The following SDC3 variants were observed in gnomAD, a reference collection of about 807,000 sequenced individuals.
The protein encoded by SDC3 is syndecan 3, also known as syndecan-3.
Under a neutral mutation model 24.4 loss-of-function variants are expected in SDC3, and 13 were observed. The ratio of observed to expected loss-of-function variants is 0.53; its 90% CI spans 0.35 to 0.85. The LOEUF is 0.85. Ranked by LOEUF, SDC3 falls within the 40% of genes least tolerant of loss-of-function variation. The probability of loss-of-function intolerance (pLI) is 0.01; values close to 1 mark genes in which losing one functional copy is unlikely to be tolerated. For synonymous variants in SDC3, 295 were observed against 260.9 expected (o/e 1.13, Z -1.26); for missense variants, 571 against 584.5 (o/e 0.98, Z 0.24).
intron 1 of SDC3, among the ~76,000 whole-genome samples, chr1:30,891,499 T>C (rs1639903549): frequency 6.6e-6 from 1 of 152,134 alleles, no homozygotes; most frequent in South Asian, 2.1e-4. Context: ...TGAACTCAGG[T>C]ATGAAGCCTA....
chr1:30,886,368 C>T (rs772675994), intron 1 of SDC3, among the ~76,000 whole-genome samples: 4 of 152,068 alleles, frequency 2.6e-5, no homozygotes, highest in Non-Finnish European at 4.4e-5. Flanking sequence ...GCTTGAATGT[C>T]ACATACGCAC....
chr1:30,892,346 G>A (rs937114265), intron 1 of SDC3, among the ~76,000 whole-genome samples: 3 of 152,044 alleles, frequency 2.0e-5, no homozygotes, highest in African/African-American at 7.3e-5. Context: ...CTGCCAGTAG[G>A]GACCTAGTCA....
At chr1:30,891,310 C>T (rs893877301) in intron 1 of SDC3, among the ~76,000 whole-genome samples, 2 of 152,370 alleles carry the variant, frequency 1.3e-5, no homozygotes, top group East Asian at 1.9e-4. Flanking sequence ...ACCCTGGCCC[C>T]ATCTTCACCT....
intron 1 of SDC3, among the ~76,000 whole-genome samples, chr1:30,906,447 C>T (rs550542640): frequency 6.6e-6 from 1 of 152,306 alleles, no homozygotes; most frequent in South Asian, 2.1e-4. Context: ...CCCTACTGTG[C>T]ATGAGGCTAT....
chr1:30,881,739 C>T (rs1331405404), intron 1 of SDC3, among the ~76,000 whole-genome samples: 1 of 152,202 alleles, frequency 6.6e-6, no homozygotes, highest in East Asian at 1.9e-4. Flanking sequence ...TATGCAGCCT[C>T]CTTTAAGCAT....
At chr1:30,878,077 A>G (rs1159185980) in intron 2 of SDC3, 1 of 152,898 alleles carries the variant, frequency 6.5e-6, no homozygotes, top group Non-Finnish European at 1.5e-5. Flanking sequence ...ACTGAGAAGA[A>G]GTCGTATTTC....
chr1:30,877,156 T>C lies in SDC3; in HGVS notation c.266A>G (p.Gln89Arg), dbSNP rs1188972047. ...CATGGCTGTCTCAATGCCCGACTCC[T>C]GCTCGAAGTCTGAGGGGGTGGGGGA... is the stretch of plus-strand genomic sequence containing the variant. Reference protein sequence around the residue: ...YSGSGSGYFEQESGIETAMRF... With the variant: ...YSGSGSGYFERESGIETAMRF... The change falls in exon 3 of 5, where the codon CAG becomes CGG. Residue 89 changes from glutamine (Q) to arginine (R), a missense_variant. Gln to Arg is a conservative substitution (Grantham distance 43). Around this residue, in one of 2 missense-constraint regions of SDC3, gnomAD observed 497 missense variants for 471.6 expected, o/e 1.05. Coordinates refer to ENST00000339394, the MANE Select transcript of SDC3 (RefSeq NM_014654.4). The C allele has an allele frequency of 1.2e-6, 2 of 1,613,560 alleles. No homozygotes were observed. Among genetic ancestry groups the C allele is most frequent in the African/African-American group, 2.7e-5 (2 of 74,796 alleles).
intron 1 of SDC3, among the ~76,000 whole-genome samples, chr1:30,899,996 G>GA (rs1638381221): frequency 6.6e-6 from 1 of 152,206 alleles, no homozygotes; most frequent in African/African-American, 2.4e-5. Flanking sequence ...GTGGGGAAAA[G>GA]AAAGAGATCA....
At chr1:30,896,806 C>A (rs1235249599) in intron 1 of SDC3, among the ~76,000 whole-genome samples, 1 of 152,076 alleles carries the variant, frequency 6.6e-6, no homozygotes, top group Non-Finnish European at 1.5e-5. Flanking sequence ...TACCAAAAAT[C>A]CAAAATATTA....
At chr1:30,907,790 C>A (rs1441397410) in intron 1 of SDC3, among the ~76,000 whole-genome samples, 1 of 152,196 alleles carries the variant, frequency 6.6e-6, no homozygotes, top group Non-Finnish European at 1.5e-5. Flanking sequence ...CTCACTCCCC[C>A]CTCAGGTCAC....
At chr1:30,876,428 C>T (rs1365211038) in intron 3 of SDC3, 124 bp downstream of exon 3, 2 of 784,458 alleles carry the variant, frequency 2.5e-6, no homozygotes, top group Admixed American at 6.9e-5. Context: ...GCCCCTCGCC[C>T]CCACTTTGTC....
intron 1 of SDC3, among the ~76,000 whole-genome samples, chr1:30,885,298 A>G (rs893739945): frequency 1.5e-4 from 22 of 151,346 alleles, no homozygotes; most frequent in African/African-American, 5.1e-4. Context: ...AAAAATATGT[A>G]GAACTTGATC....
rs74721441 is a variant in SDC3, at chr1:30,905,356, AACACACAC to A, written c.138+3085_138+3092del. 5.4e-3 allele frequency among the ~76,000 whole-genome samples: 418 copies of A among 77,302 alleles called. 6 individuals carry two copies. Among genetic ancestry groups the A allele is most frequent in the African/African-American group, 0.02 (389 of 19,078 alleles). The allele number at this position is 77,302 out of a possible 152,430, so 50.7% of individuals were successfully genotyped here. A position where few individuals can be genotyped will look rare whatever the true frequency, so the allele number is the denominator to read the frequency against. On this transcript the variant is annotated intron_variant, in intron 1 of 4. Coordinates refer to ENST00000339394, the MANE Select transcript of SDC3 (RefSeq NM_014654.4). ...CCATCCGTACTCTCTCTCTCTCACA[AACACACAC>A]ACACACACACACACACACACACACG...
Position 30,878,775 on chromosome 1 carries a change from C to A in SDC3, c.139-35G>T. On this transcript the variant is annotated intron_variant, in intron 1 of 4. Coordinates refer to ENST00000339394, the MANE Select transcript of SDC3 (RefSeq NM_014654.4). Reference sequence around the variant, plus strand: ...GTAGAGGTGGACACAGGGCTCGGCACCCGAGACTGGCAGCCTGGGTGAGCC... The same window carrying A: ...GTAGAGGTGGACACAGGGCTCGGCAACCGAGACTGGCAGCCTGGGTGAGCC... 7 of 1,585,842 alleles carry A rather than the reference C, an allele frequency of 4.4e-6. No individual in the cohort carries two copies. The Admixed American group carries it at 1.2e-4, about 26-fold the overall frequency.
intron 2 of SDC3, chr1:30,877,537 A>G: frequency 2.1e-6 from 1 of 481,220 alleles, no homozygotes; most frequent in Non-Finnish European, 3.7e-6. Context: ...GCATTCTGGG[A>G]AGAGTCAGAC....
intron 1 of SDC3, among the ~76,000 whole-genome samples, chr1:30,884,015 C>G (rs528277046): frequency 6.6e-6 from 1 of 152,150 alleles, no homozygotes; most frequent in Non-Finnish European, 1.5e-5. Flanking sequence ...TGGGGCCAAG[C>G]TCCGGGCAGC....
intron 1 of SDC3, among the ~76,000 whole-genome samples, chr1:30,904,817 C>A (rs567769789): frequency 7.9e-5 from 12 of 152,172 alleles, no homozygotes; most frequent in Non-Finnish European, 1.5e-4. Context: ...CATCCATGCT[C>A]CCTCCCAGAA....
rs1639556838 is a variant in SDC3 at position 30,872,541 on chromosome 1, C to T, written c.*670G>A. 6.5e-6 allele frequency: 1 copy of T among 152,794 alleles called. No individual in the cohort carries two copies. Among genetic ancestry groups the T allele is most frequent in the Non-Finnish European group, 1.5e-5 (1 of 68,456 alleles). 9.5% of individuals were successfully genotyped at this position (152,794 alleles called of 1,614,324 possible). A position where few individuals can be genotyped will look rare whatever the true frequency, so the allele number is the denominator to read the frequency against. Reference sequence around the variant, plus strand: ...CCTCATAGGAGGGACATCAGAGCAGCCCCTCCTCACCAGTGGCTGCCCCAG... The same window carrying T: ...CCTCATAGGAGGGACATCAGAGCAGTCCCTCCTCACCAGTGGCTGCCCCAG... On this transcript the variant is annotated 3_prime_UTR_variant, in exon 5 of 5. Coordinates refer to ENST00000339394, the MANE Select transcript of SDC3 (RefSeq NM_014654.4).
At chr1:30,878,009 T>C (rs146793569) in intron 2 of SDC3, 1 of 152,742 alleles carries the variant, frequency 6.5e-6, no homozygotes, top group East Asian at 1.9e-4. Flanking sequence ...TGCTACCATT[T>C]TGAGAGCTCC....
Sources: allele counts gnomAD v4.1 joint callset (sites outside exome capture counted in the v4.1 genomes callset), GRCh38; gene constraint gnomAD v4.1.1; regional missense constraint gnomAD v4.1.1; transcripts MANE v1.5; gene names NCBI Gene and HGNC (gene_info 2026-07-23, HGNC 2026-07-21).